Variants in PLA2R1 observed in about 807,000 individuals in gnomAD.
The protein encoded by PLA2R1 is secretory phospholipase A2 receptor.
PLA2R1 carries 158 observed loss-of-function variants against 195.9 expected under a neutral mutation model. That is an observed-to-expected ratio of 0.81 (90% CI 0.71 to 0.92). The LOEUF is 0.92. Among genes scored for constraint, PLA2R1 ranks in the 40% least tolerant of loss-of-function variants. PLA2R1 has a pLI of 0.00. For synonymous variants in PLA2R1, 586 were observed against 598.2 expected (o/e 0.98, Z 0.30); for missense variants, 1,626 against 1,764.6 (o/e 0.92, Z 1.41).
At position 159,938,408 on chromosome 2, in the gene PLA2R1, T is replaced by C. The variant is rs535947618; in HGVS notation, c.*3370A>G. The C allele has an allele frequency of 6.6e-6, 1 of 152,394 alleles. No homozygotes were observed. Among genetic ancestry groups the C allele is most frequent in the East Asian group, 1.9e-4 (1 of 5,196 alleles). The allele number at this position is 152,394 out of a possible 1,614,324, so 9.4% of individuals were successfully genotyped here. A position where few individuals can be genotyped will look rare whatever the true frequency, so the allele number is the denominator to read the frequency against. ...CCACCAAGACTGTGGGATTGTTTGCTATGGCATTTCGCCTTTCTGGACGAA... is the reference window on the plus strand; with the variant it reads ...CCACCAAGACTGTGGGATTGTTTGCCATGGCATTTCGCCTTTCTGGACGAA... On this transcript the variant is annotated 3_prime_UTR_variant, in exon 30 of 30. Transcript: ENST00000283243.
intron 13 of PLA2R1, 68 bp downstream of exon 13, chr2:159,983,859 AC>A (rs5835784): frequency 0.7 from 580,774 of 824,818 alleles, 213,995 homozygotes; most frequent in Non-Finnish European, 0.77. Flanking sequence ...TGGGATACTC[AC>A]CCCTCAGAAG....
intron 1 of PLA2R1, among the ~76,000 whole-genome samples, chr2:160,051,110 G>A (rs946644085): frequency 1.3e-5 from 2 of 152,182 alleles, no homozygotes; most frequent in Admixed American, 1.3e-4. Flanking sequence ...TTTTAATGGT[G>A]GCATTTTAGG....
intron 1 of PLA2R1, among the ~76,000 whole-genome samples, chr2:160,055,750 C>T (rs1428912150): frequency 6.6e-6 from 1 of 152,174 alleles, no homozygotes; most frequent in Non-Finnish European, 1.5e-5. Context: ...ATGTTGCCTA[C>T]CTGTTTTGGT....
chr2:160,056,760 C>T (rs1355420), intron 1 of PLA2R1, among the ~76,000 whole-genome samples: 24,695 of 152,106 alleles, frequency 0.16, 2,549 homozygotes, highest in East Asian at 0.36. Flanking sequence ...CTTCAAGTCC[C>T]AGACTGAACA....
chr2:159,955,412 T>C, intron 22 of PLA2R1, 66 bp from the exon 23 acceptor site: 1 of 992,310 alleles, frequency 1.0e-6, no homozygotes, highest in Admixed American at 2.6e-5. Flanking sequence ...TTAAAATTTT[T>C]ATTAAGACAT....
chr2:160,029,219 A>G (rs1018748074), intron 4 of PLA2R1, among the ~76,000 whole-genome samples: 2 of 152,208 alleles, frequency 1.3e-5, no homozygotes, highest in Non-Finnish European at 2.9e-5. Flanking sequence ...AGGGTTGTCA[A>G]TCTAGACAAG....
chr2:160,004,493 C>A (rs745464067), intron 11 of PLA2R1, among the ~76,000 whole-genome samples: 2 of 152,084 alleles, frequency 1.3e-5, no homozygotes, highest in Non-Finnish European at 2.9e-5. Flanking sequence ...TATACCTCCC[C>A]CTGTGGCTTA....
At chr2:160,043,788 C>T (rs1694692731) in intron 2 of PLA2R1, among the ~76,000 whole-genome samples, 1 of 152,190 alleles carries the variant, frequency 6.6e-6, no homozygotes, top group South Asian at 2.1e-4. Context: ...TTTAGTGAGT[C>T]CTGAAAATGC....
chr2:160,051,254 C>T (rs887162235), intron 1 of PLA2R1, among the ~76,000 whole-genome samples: 5 of 152,216 alleles, frequency 3.3e-5, no homozygotes, highest in Admixed American at 2.6e-4. Flanking sequence ...GCATGGTTCA[C>T]ATCAAGTGCA....
intron 12 of PLA2R1, among the ~76,000 whole-genome samples, chr2:159,986,083 T>G (rs1690307197): frequency 6.6e-6 from 1 of 152,022 alleles, no homozygotes. Context: ...TCCTGAGCCT[T>G]GGGGGAATGG....
chr2:159,950,488 T>C (rs1197692295), intron 24 of PLA2R1, among the ~76,000 whole-genome samples: 3 of 152,324 alleles, frequency 2.0e-5, no homozygotes, highest in South Asian at 4.1e-4. Context: ...TTTATAACTG[T>C]GAAAAACTGA....
At chr2:159,993,385 G>A (rs1690967852) in intron 11 of PLA2R1, among the ~76,000 whole-genome samples, 1 of 150,988 alleles carries the variant, frequency 6.6e-6, no homozygotes, top group Non-Finnish European at 1.5e-5. Context: ...TTAAAATATA[G>A]GTTAATTAAC....
At position 160,033,039 on chromosome 2, in the gene PLA2R1, C is replaced by T. The variant is rs1448398624; in HGVS notation, c.761G>A (p.Ser254Asn). The change falls in exon 4 of 30, where the codon AGT becomes AAT. Residue 254 changes from serine (S) to asparagine (N), a missense_variant. By Grantham distance (46) the Ser-to-Asn change is conservative (BLOSUM62 1). Transcript: ENST00000283243. Reference sequence around the variant, plus strand: ...CATCTGGCATGAAGAATGTGCCTCACTCCAAGAGAGAGATGAAAGCAGGTT... The same window carrying T: ...CATCTGGCATGAAGAATGTGCCTCATTCCAAGAGAGAGATGAAAGCAGGTT... ...QFNLLSSLSW[S>N]EAHSSCQMQG... 1.8e-5 allele frequency: 29 copies of T among 1,613,470 alleles called. No individual in the cohort carries two copies. Among genetic ancestry groups the T allele is most frequent in the Non-Finnish European group, 2.4e-5 (28 of 1,179,646 alleles).
rs1686767134 is a variant in PLA2R1, at chr2:159,935,195, T to C, written c.*6583A>G. ...CTTCTGTTAACCTTGATCCCTTGAT[T>C]AAAGAAGTTTCTCTACTGTAAAGTT... On this transcript the variant is annotated 3_prime_UTR_variant, in exon 30 of 30. Coordinates refer to ENST00000283243, the MANE Select transcript of PLA2R1 (RefSeq NM_007366.5). The C allele has an allele frequency of 6.6e-6, 1 of 152,252 alleles. No individual in the cohort carries two copies. The highest frequency in any genetic ancestry group is 6.5e-5 in the Admixed American group (1 of 15,292). The allele number at this position is 152,252 out of a possible 1,614,324, so 9.4% of individuals were successfully genotyped here.
At chr2:159,987,122 C>T in intron 12 of PLA2R1, 34 bp downstream of exon 12, 1 of 1,479,758 alleles carries the variant, frequency 6.8e-7, no homozygotes, top group Non-Finnish European at 9.5e-7. Flanking sequence ...TAGTGTTGGT[C>T]CTGTTAAGAA....
chr2:159,994,444 A>G, intron 11 of PLA2R1, among the ~76,000 whole-genome samples: 1 of 152,248 alleles, frequency 6.6e-6, no homozygotes, highest in East Asian at 1.9e-4. Flanking sequence ...TAACTGTAAA[A>G]TACATTATGT....
Position 160,022,850 on chromosome 2 carries a change from G to C in PLA2R1, c.1109C>G (p.Ala370Gly). The change falls in exon 7 of 30, where the codon GCG becomes GGG. Residue 370 changes from alanine (A) to glycine (G), a missense_variant. By Grantham distance (60) the Ala-to-Gly change is moderately conservative. Transcript: ENST00000283243. ...ACAGTGGGTAGCATAATATTTCCAC[G>C]CATCTTTTTCTTTTTAAACCAACAA... is the stretch of plus-strand genomic sequence containing the variant. ...HIDHEIVEKD[A>G]WKYYATHCEP... 1 of 1,586,098 alleles carries C rather than the reference G, an allele frequency of 6.3e-7. No homozygotes were observed. Among genetic ancestry groups the C allele is most frequent in the South Asian group, 1.1e-5 (1 of 87,118 alleles).
Position 159,936,636 on chromosome 2 carries a change from C to G in PLA2R1, c.*5142G>C, listed in dbSNP as rs945407965. On this transcript the variant is annotated 3_prime_UTR_variant, in exon 30 of 30. Coordinates refer to ENST00000283243, the MANE Select transcript of PLA2R1 (RefSeq NM_007366.5). The stretch of plus-strand genomic sequence containing the variant: ...GCAGAAGACTTCCTGGATTTCCTTT[C>G]AGTTAGGTTAGGTCATGTGACTAGT... 1.3e-5 allele frequency: 2 copies of G among 152,164 alleles called. No individual in the cohort carries two copies. The highest frequency in any genetic ancestry group is 1.3e-4 in the Admixed American group (2 of 15,274). 9.4% of individuals were successfully genotyped at this position (152,164 alleles called of 1,614,324 possible).
intron 11 of PLA2R1, among the ~76,000 whole-genome samples, chr2:159,998,412 G>C (rs1306765851): frequency 2.0e-5 from 3 of 152,080 alleles, no homozygotes; most frequent in Non-Finnish European, 2.9e-5. Flanking sequence ...TGAGATCATA[G>C]AGCTGGAATT....
Sources: allele counts gnomAD v4.1 joint callset (sites outside exome capture counted in the v4.1 genomes callset), GRCh38; gene constraint gnomAD v4.1.1; transcripts MANE v1.5; gene names NCBI Gene and HGNC (gene_info 2026-07-23, HGNC 2026-07-21).